The following MNDA variants were observed in gnomAD, a reference collection of about 807,000 sequenced individuals.
The protein encoded by MNDA is myeloid cell nuclear differentiation antigen.
A neutral mutation model predicts 37.8 loss-of-function variants in MNDA; 43 were observed. The observed-to-expected ratio is 1.14, with a 90% confidence interval of 0.89 to 1.47. The LOEUF is 1.47. Among genes scored for constraint, MNDA ranks in the 40% most tolerant of loss-of-function variants. MNDA has a pLI of 0.00. For synonymous variants in MNDA, 181 were observed against 169.0 expected, an observed-to-expected ratio of 1.07 and a Z score of -0.55; for missense variants, 536 against 476.0, an observed-to-expected ratio of 1.13 and a Z score of -1.17.
chr1:158,847,164 G>T (rs965952777), intron 5 of MNDA, among the ~76,000 whole-genome samples: 1 of 152,130 alleles, frequency 6.6e-6, no homozygotes, highest in Admixed American at 6.5e-5. Flanking sequence ...GAAGCGGGAG[G>T]CTGGGAGGGA....
At chr1:158,843,846 A>G (rs759899781) in intron 3 of MNDA, 109 bp from the exon 4 acceptor site, 82 of 953,168 alleles carry the variant, frequency 8.6e-5, no homozygotes, top group Non-Finnish European at 1.2e-4. Flanking sequence ...TTCCAAGGAC[A>G]TCCCATCCAA....
intron 1 of MNDA, among the ~76,000 whole-genome samples, chr1:158,835,517 T>C (rs1658890097): frequency 6.6e-6 from 1 of 151,750 alleles, no homozygotes; most frequent in Admixed American, 6.6e-5. Context: ...TTTGGGACTT[T>C]CCACATATAA....
rs1333628896 is a variant in MNDA, at chr1:158,845,675, C to G, written c.659C>G (p.Thr220Arg). ...GTGACAGTGGTGGTACTGAAAGCAA[C>G]AGCGCCATTTAAATACGAGTCCCCA... ...DPVTVVVLKATAPFKYESPEN... is the reference protein window; with the variant it reads ...DPVTVVVLKARAPFKYESPEN... The change falls in exon 5 of 7, where the codon ACA (threonine) becomes AGA (arginine). Residue 220 changes from threonine (T) to arginine (R), a missense_variant. Coordinates refer to ENST00000368141, the MANE Select transcript of MNDA (RefSeq NM_002432.3). The G allele has an allele frequency of 1.9e-6, 3 of 1,614,130 alleles. No individual in the cohort carries two copies. Among genetic ancestry groups the G allele is most frequent in the Admixed American group, 3.3e-5 (2 of 60,022 alleles).
chr1:158,833,035 C>T (rs1658836337), intron 1 of MNDA, among the ~76,000 whole-genome samples: 1 of 152,080 alleles, frequency 6.6e-6, no homozygotes, highest in Non-Finnish European at 1.5e-5. Context: ...AGACAAGCCC[C>T]TTAGCAAACT....
At chr1:158,845,363 G>A (rs1352789982) in intron 4 of MNDA, among the ~76,000 whole-genome samples, 5 of 151,904 alleles carry the variant, frequency 3.3e-5, no homozygotes, top group African/African-American at 4.8e-5. Flanking sequence ...TCAGCCTCCC[G>A]AGTAGCTGGG....
At position 158,849,266 on chromosome 1, in the gene MNDA, C is replaced by A; in HGVS notation, c.*29C>A. 6.3e-7 allele frequency: 1 copy of A among 1,594,644 alleles called. No individual in the cohort carries two copies. The highest frequency in any genetic ancestry group is 1.3e-5 in the African/African-American group (1 of 74,336). On this transcript the variant is annotated 3_prime_UTR_variant, in exon 7 of 7. Transcript: ENST00000368141. ...ATGAAAGCTGAAATGCAACAAACAACTTCCGCTTAAAACAATTAAGTTGTT... is the reference window on the plus strand; with the variant it reads ...ATGAAAGCTGAAATGCAACAAACAAATTCCGCTTAAAACAATTAAGTTGTT...
chr1:158,844,174 C>A, intron 4 of MNDA, 52 bp downstream of exon 4: 1 of 1,365,076 alleles, frequency 7.3e-7, no homozygotes, highest in Non-Finnish European at 9.9e-7. Flanking sequence ...AGTCACAGTG[C>A]ATTCCACTGT....
chr1:158,844,091 C>G lies in MNDA; in HGVS notation c.539C>G (p.Ser180Ter). The G allele has an allele frequency of 1.3e-6, 2 of 1,597,636 alleles. No homozygotes were observed. The highest frequency in any genetic ancestry group is 1.7e-6 in the Non-Finnish European group (2 of 1,173,644). ...VDHPPLPQTS[S>*]STPSNTSFTP... Reference sequence around the variant, plus strand: ...CATCCCCCACTACCCCAGACCTCATCATCAACTCCATCCAACACTTCGTTT... The same window carrying G: ...CATCCCCCACTACCCCAGACCTCATGATCAACTCCATCCAACACTTCGTTT... Residue 180 changes from serine (S) to a stop codon, truncating the protein, a stop_gained, in exon 4 of 7, where the codon TCA becomes TGA. Transcript: ENST00000368141. LOFTEE classifies it high-confidence loss of function.
At chr1:158,836,524 A>G (rs1050763558) in intron 1 of MNDA, among the ~76,000 whole-genome samples, 4 of 151,884 alleles carry the variant, frequency 2.6e-5, no homozygotes, top group Middle Eastern at 3.2e-3. Context: ...TTGATGTATA[A>G]TTGTTCAAAG....
chr1:158,842,755 A>G (rs1659056069), intron 2 of MNDA: 1 of 195,450 alleles, frequency 5.1e-6, no homozygotes, highest in African/African-American at 2.3e-5. Context: ...ATTTATATTT[A>G]ACCAATTTAT....
intron 1 of MNDA, 51 bp from the exon 2 acceptor site, chr1:158,842,083 T>C (rs1659037711): frequency 1.3e-6 from 2 of 1,483,358 alleles, no homozygotes; most frequent in African/African-American, 2.8e-5. Flanking sequence ...TCTCATTTTT[T>C]AAAATTGTCT....
intron 4 of MNDA, 110 bp downstream of exon 4, chr1:158,844,232 T>C (rs1659090450): frequency 1.7e-6 from 2 of 1,143,980 alleles, no homozygotes; most frequent in Non-Finnish European, 2.4e-6. Context: ...TGATTTGCTG[T>C]GGGAAAACTG....
In MNDA at chr1:158,842,241, G is replaced by C; in HGVS notation, c.88G>C (p.Ala30Pro). The change falls in exon 2 of 7, where the codon GCC becomes CCC. Residue 30 changes from alanine to proline, a missense_variant. Physicochemically the swap from Ala to Pro is conservative, Grantham distance 27. Transcript: ENST00000368141. Reference protein sequence around the residue: ...YHFTSIKSLLAYDLGLTTKMQ... With the variant: ...YHFTSIKSLLPYDLGLTTKMQ... ...TTTTACATCAATTAAGTCCTTACTG[G>C]CCTATGATTTAGGACTAACTACAAA... 1 of 1,613,778 alleles carries C rather than the reference G, an allele frequency of 6.2e-7. No individual in the cohort carries two copies. Among genetic ancestry groups the C allele is most frequent in the South Asian group, 1.1e-5 (1 of 91,070 alleles).
At chr1:158,844,732 G>T (rs1659098918) in intron 4 of MNDA, among the ~76,000 whole-genome samples, 1 of 151,812 alleles carries the variant, frequency 6.6e-6, no homozygotes, top group Non-Finnish European at 1.5e-5. Context: ...GAGTACACTA[G>T]TGATCATTAG....
chr1:158,847,920 G>A lies in MNDA; in HGVS notation c.1176+4G>A. ...TGGAAGTCACAGCTTCATCAAGGTG[G>A]GAACTGGATAGAGGAGAATGAGTTT... On this transcript the variant is annotated splice_donor_region_variant and intron_variant, in intron 6 of 6. Transcript: ENST00000368141. 6.2e-7 allele frequency: 1 copy of A among 1,612,602 alleles called. No individual in the cohort carries two copies. The highest frequency in any genetic ancestry group is 8.5e-7 in the Non-Finnish European group (1 of 1,179,190).
chr1:158,844,222 T>C (rs1271455141), intron 4 of MNDA, 100 bp downstream of exon 4: 3 of 1,182,380 alleles, frequency 2.5e-6, no homozygotes, highest in Non-Finnish European at 2.3e-6. Context: ...TTCATATTAC[T>C]GATTTGCTGT....
intron 1 of MNDA, among the ~76,000 whole-genome samples, chr1:158,831,969 G>T (rs1013072256): frequency 6.6e-6 from 1 of 151,970 alleles, no homozygotes; most frequent in African/African-American, 2.4e-5. Context: ...TCTATTATAT[G>T]ATTTTATCTC....
rs149199150 is a variant in MNDA, at chr1:158,848,688, C to T, written c.1177-502C>T. Among the ~76,000 whole-genome samples the T allele has an allele frequency of 8.5e-4, 129 of 152,082 alleles. 3 individuals carry two copies. The highest frequency in any genetic ancestry group is 5.3e-3 in the Admixed American group (81 of 15,274). On this transcript the variant is annotated intron_variant, in intron 6 of 6. Transcript: ENST00000368141. ...TTTGATATTTTAGCAAAAAATATTC[C>T]GGTGTCTATCTATGGAGTTGCATTA...
chr1:158,849,356 C>T lies in MNDA; in HGVS notation c.*119C>T. ...TGATGTTTCAGTAGATATATTCTAGCATATTAAGAGCTTTTATAACTGAGT... is the reference window on the plus strand; with the variant it reads ...TGATGTTTCAGTAGATATATTCTAGTATATTAAGAGCTTTTATAACTGAGT... On this transcript the variant is annotated 3_prime_UTR_variant, in exon 7 of 7. Coordinates refer to ENST00000368141, the MANE Select transcript of MNDA (RefSeq NM_002432.3). 3.6e-6 allele frequency: 3 copies of T among 825,000 alleles called. No individual in the cohort carries two copies. The highest frequency in any genetic ancestry group is 5.5e-6 in the Non-Finnish European group (3 of 542,536). 51.1% of individuals were successfully genotyped at this position (825,000 alleles called of 1,614,324 possible).
Sources: gnomAD v4.1 joint callset for allele counts (sites outside exome capture counted in the v4.1 genomes callset) on GRCh38, gnomAD v4.1.1 for gene constraint, MANE v1.5 for transcripts, NCBI Gene and HGNC (gene_info 2026-07-23, HGNC 2026-07-21) for gene names.